The following RAVER1 variants were observed in gnomAD, a reference collection of about 807,000 sequenced individuals.
The protein encoded by RAVER1 is ribonucleoprotein PTB-binding 1.
Under a neutral mutation model 68.4 loss-of-function variants are expected in RAVER1, and 36 were observed. The observed-to-expected ratio is 0.53, with a 90% CI of 0.40 to 0.70. The LOEUF (loss-of-function observed/expected upper bound fraction) is 0.70, where lower values mean the gene tolerates loss of function less well. Ranked by LOEUF, RAVER1 falls within the 30% of genes least tolerant of loss-of-function variation. The probability of loss-of-function intolerance (pLI) is 0.00; values close to 1 mark genes in which losing one functional copy is unlikely to be tolerated. For synonymous variants in RAVER1, 469 were observed against 472.7 expected (o/e 0.99, Z 0.10); for missense variants, 933 against 1,019.8 (o/e 0.91, Z 1.16).
Position 10,323,080 on chromosome 19 carries a change from A to G in RAVER1, c.1078+65T>C. 7.4e-7 allele frequency: 1 copy of G among 1,352,952 alleles called. No homozygotes were observed. The highest frequency in any genetic ancestry group is 1.0e-6 in the Non-Finnish European group (1 of 1,004,668). The allele number at this position is 1,352,952 out of a possible 1,614,324, so 83.8% of individuals were successfully genotyped here. On this transcript the variant is annotated intron_variant, in intron 5 of 12. Coordinates refer to ENST00000617231, the MANE Select transcript of RAVER1 (RefSeq NM_133452.3). This position sits in a 1 kb window ranked among gnomAD's most constrained non-coding sequence, Gnocchi z 6.2. ...GCAGCCAAGATGAGCAGTTTCGGGA[A>G]GTGCCGGGGGCAGCGCTGCAGCCCC...
In RAVER1 at chr19:10,317,967, T is replaced by C. The variant is rs1388630291; in HGVS notation, c.1990-194A>G. 1.3e-5 allele frequency among the ~76,000 whole-genome samples: 2 copies of C among 152,238 alleles called. No homozygotes were observed. The highest frequency in any genetic ancestry group is 4.8e-5 in the African/African-American group (2 of 41,462). ...TTATTTGAGCCTCGGTTTTCTCATC[T>C]GTCAGATGGGGCCAGTAGCACCCAC... On this transcript the variant is annotated intron_variant, in intron 11 of 12. Coordinates refer to ENST00000617231, the MANE Select transcript of RAVER1 (RefSeq NM_133452.3). This position sits in a 1 kb window ranked among gnomAD's most constrained non-coding sequence, Gnocchi z 4.3.
chr19:10,319,151 C>T lies in RAVER1; in HGVS notation c.1845+15G>A, dbSNP rs1215867898. The stretch of plus-strand genomic sequence containing the variant: ...AAAGCTGATTGCTACACATGCCATA[C>T]CAGGTGGCTCTTACCTTGTGTCGGC... On this transcript the variant is annotated intron_variant, in intron 10 of 12. Transcript: ENST00000617231. The T allele has an allele frequency of 3.1e-6, 5 of 1,613,030 alleles. No individual in the cohort carries two copies. The highest frequency in any genetic ancestry group is 4.5e-5 in the East Asian group (2 of 44,880).
Position 10,321,245 on chromosome 19 carries a change from G to T in RAVER1, c.1276C>A (p.Pro426Thr). 7.8e-7 allele frequency: 1 copy of T among 1,277,816 alleles called. No individual in the cohort carries two copies. 79.2% of individuals were successfully genotyped at this position (1,277,816 alleles called of 1,614,324 possible). Residue 426 changes from proline (P) to threonine (T), a missense_variant, in exon 8 of 13, where the codon CCG becomes ACG. Around this residue, in one of 3 missense-constraint regions of RAVER1, gnomAD observed 699 missense variants for 731.1 expected, o/e 0.96. Coordinates refer to ENST00000617231, the MANE Select transcript of RAVER1 (RefSeq NM_133452.3). ...GELPAGGGLP[P>T]ELPPRRGKPP... is the part of the protein sequence containing the mutation. ...TTCCCTCGCCGGGGCGGCAGCTCCG[G>T]GGGCAGGCCCCCTCCTAGGGAGGGA... is the stretch of plus-strand genomic sequence containing the variant.
intron 9 of RAVER1, among the ~76,000 whole-genome samples, chr19:10,320,201 C>T (rs1367705720): frequency 3.3e-5 from 5 of 151,952 alleles, no homozygotes; most frequent in Admixed American, 3.3e-4. Context: ...TGCAGACAGA[C>T]GGGAAACTTT....
intron 2 of RAVER1, 63 bp downstream of exon 2, chr19:10,330,397 C>T (rs78630786): frequency 0.037 from 29,181 of 791,518 alleles, 635 homozygotes; most frequent in East Asian, 0.062. Context: ...GACAGTGAGC[C>T]AGGCCCTCCC....
rs932162869 is a variant in RAVER1 at position 10,317,373 on chromosome 19, T to TA, written c.*80dup. The TA allele has an allele frequency of 1.1e-4, 154 of 1,452,456 alleles. No homozygotes were observed. Among genetic ancestry groups the TA allele is most frequent in the Non-Finnish European group, 1.2e-4 (130 of 1,041,216 alleles). 90.0% of individuals were successfully genotyped at this position (1,452,456 alleles called of 1,614,324 possible). A position where few individuals can be genotyped will look rare whatever the true frequency, so the allele number is the denominator to read the frequency against. On this transcript the variant is annotated 3_prime_UTR_variant, in exon 13 of 13. Transcript: ENST00000617231. This position sits in a 1 kb window ranked among gnomAD's most constrained non-coding sequence, Gnocchi z 4.3. ...TATTACCGAAAGAGAGAAAATGGTT[T>TA]AAAAAAAACACAAAACAAAACATCA...
At position 10,323,454 on chromosome 19, in the gene RAVER1, C is replaced by G. The variant is rs1388107803; in HGVS notation, c.869G>C (p.Ser290Thr). The change falls in exon 4 of 13, where the codon AGC becomes ACC. Residue 290 changes from serine (S) to threonine (T), a missense_variant. By Grantham distance (58) the Ser-to-Thr change is moderately conservative (BLOSUM62 1). Around this residue, in one of 3 missense-constraint regions of RAVER1, gnomAD observed 699 missense variants for 731.1 expected, o/e 0.96. Transcript: ENST00000617231. This position sits in a 1 kb window ranked among gnomAD's most constrained non-coding sequence, Gnocchi z 6.2. ...GGCGCAGAAGGAGACTCGCAGGTGG[C>G]TGCCCCCCAGGGACAGGCCGTCCGC... ...QQADGLSLGG[S>T]HLRVSFCAPG... is the part of the protein sequence containing the mutation. 1 of 1,609,566 alleles carries G rather than the reference C, an allele frequency of 6.2e-7. No homozygotes were observed. The highest frequency in any genetic ancestry group is 8.5e-7 in the Non-Finnish European group (1 of 1,179,386).
At position 10,317,207 on chromosome 19, in the gene RAVER1, C is replaced by G; in HGVS notation, c.*247G>C. 5.6e-6 allele frequency: 3 copies of G among 535,988 alleles called. No homozygotes were observed. Among genetic ancestry groups the G allele is most frequent in the Non-Finnish European group, 6.6e-6 (2 of 302,596 alleles). The allele number at this position is 535,988 out of a possible 1,614,324, so 33.2% of individuals were successfully genotyped here. On this transcript the variant is annotated 3_prime_UTR_variant, in exon 13 of 13. Transcript: ENST00000617231. The surrounding 1 kb of genome is among the most constrained non-coding windows in gnomAD (Gnocchi z 4.3). The stretch of plus-strand genomic sequence containing the variant: ...ATGGGGGGAGGGAGGGAGAGCAGGC[C>G]GGGGCCCCTCTCTCTTAAGGCTGCA...
chr19:10,320,706 G>A lies in RAVER1; in HGVS notation c.1719C>T (p.Arg573=). The change falls in exon 9 of 13, where the codon CGC becomes CGT. Residue 573 remains arginine (R), a synonymous_variant. Coordinates refer to ENST00000617231, the MANE Select transcript of RAVER1 (RefSeq NM_133452.3). ...CAGACAGTCCTGGTTCGGGGGGCAG[G>A]CGGGCGCTGCTGAGGGGGCTGAGCA... The part of the protein sequence containing the change: ...SRLLSPLSSA[R]LPPEPGLSDS... 1 of 1,545,826 alleles carries A rather than the reference G, an allele frequency of 6.5e-7. No individual in the cohort carries two copies. The highest frequency in any genetic ancestry group is 8.7e-7 in the Non-Finnish European group (1 of 1,153,322).
Position 10,323,105 on chromosome 19 carries a change from C to G in RAVER1, c.1078+40G>C, listed in dbSNP as rs1221030880. On this transcript the variant is annotated intron_variant, in intron 5 of 12. Transcript: ENST00000617231. The surrounding 1 kb of genome is among the most constrained non-coding windows in gnomAD (Gnocchi z 6.2). ...AGTGCCGGGGGCAGCGCTGCAGCCCCTGTTCTGCACAGTGGGGCCCCTGTC... is the reference window on the plus strand; with the variant it reads ...AGTGCCGGGGGCAGCGCTGCAGCCCGTGTTCTGCACAGTGGGGCCCCTGTC... The G allele has an allele frequency of 1.3e-6, 2 of 1,493,928 alleles. No homozygotes were observed. The highest frequency in any genetic ancestry group is 1.3e-5 in the South Asian group (1 of 79,074). The allele number at this position is 1,493,928 out of a possible 1,614,324, so 92.5% of individuals were successfully genotyped here.
At chr19:10,324,398 T>G (rs765030472) in intron 3 of RAVER1, among the ~76,000 whole-genome samples, 6 of 152,114 alleles carry the variant, frequency 3.9e-5, no homozygotes, top group Non-Finnish European at 7.4e-5. Flanking sequence ...GTTTTGTTTT[T>G]TTTGAGACAG....
intron 1 of RAVER1, among the ~76,000 whole-genome samples, chr19:10,331,754 G>A (rs1347691925): frequency 6.7e-6 from 1 of 148,918 alleles, no homozygotes; most frequent in East Asian, 2.0e-4. Flanking sequence ...ACCTCCTTTT[G>A]CAAGATTCAC....
At position 10,321,089 on chromosome 19, in the gene RAVER1, C is replaced by A; in HGVS notation, c.1432G>T (p.Gly478Cys). Residue 478 changes from glycine (G) to cysteine (C), a missense_variant, in exon 8 of 13, where the codon GGC becomes TGC. By Grantham distance (159) the Gly-to-Cys change is radical (BLOSUM62 -3). Coordinates refer to ENST00000617231, the MANE Select transcript of RAVER1 (RefSeq NM_133452.3). ...PVGLRGSGLRGLQKDSGPLPT... is the reference protein window; with the variant it reads ...PVGLRGSGLRCLQKDSGPLPT... ...AGAGGCCCACTGTCTTTCTGGAGGC[C>A]TCTGAGGCCAGAGCCTCGGAGCCCC... 1 of 1,342,210 alleles carries A rather than the reference C, an allele frequency of 7.5e-7. No individual in the cohort carries two copies. The highest frequency in any genetic ancestry group is 9.5e-7 in the Non-Finnish European group (1 of 1,048,356). 83.1% of individuals were successfully genotyped at this position (1,342,210 alleles called of 1,614,324 possible).
chr19:10,317,178 G>T lies in RAVER1; in HGVS notation c.*276C>A. 2.0e-6 allele frequency: 1 copy of T among 496,362 alleles called. No individual in the cohort carries two copies. Among genetic ancestry groups the T allele is most frequent in the South Asian group, 2.2e-5 (1 of 46,178 alleles). The allele number at this position is 496,362 out of a possible 1,614,324, so 30.7% of individuals were successfully genotyped here. A position where few individuals can be genotyped will look rare whatever the true frequency, so the allele number is the denominator to read the frequency against. Reference sequence around the variant, plus strand: ...CCGGAGAGACGGGCACAGCGGAGGAGGAGATGGGGGGAGGGAGGGAGAGCA... The same window carrying T: ...CCGGAGAGACGGGCACAGCGGAGGATGAGATGGGGGGAGGGAGGGAGAGCA... On this transcript the variant is annotated 3_prime_UTR_variant, in exon 13 of 13. Transcript: ENST00000617231. The surrounding 1 kb of genome is among the most constrained non-coding windows in gnomAD (Gnocchi z 4.3).
chr19:10,321,165 G>A lies in RAVER1; in HGVS notation c.1356C>T (p.Ala452=), dbSNP rs1056190962. The part of the protein sequence containing the change: ...VLGPAGGDRE[A]LGLGPPAAQL... ...GGGCCGCTGGGGGACCCAAGCCCAG[G>A]GCCTCCCGGTCACCCCCAGCAGGGC... The change falls in exon 8 of 13, where the codon GCC becomes GCT. Residue 452 remains alanine, a synonymous_variant. Transcript: ENST00000617231. The A allele has an allele frequency of 1.6e-6, 2 of 1,285,796 alleles. No homozygotes were observed. The highest frequency in any genetic ancestry group is 2.0e-6 in the Non-Finnish European group (2 of 1,014,178). 79.6% of individuals were successfully genotyped at this position (1,285,796 alleles called of 1,614,324 possible).
intron 1 of RAVER1, among the ~76,000 whole-genome samples, chr19:10,331,595 A>C (rs1185293681): frequency 6.7e-6 from 1 of 148,936 alleles, no homozygotes; most frequent in Non-Finnish European, 1.5e-5. Context: ...CTGAGGCAAG[A>C]CAATTGCTTG....
At chr19:10,330,548 G>A in intron 1 of RAVER1, 22 bp from the exon 2 acceptor site, 8 of 1,255,904 alleles carry the variant, frequency 6.4e-6, no homozygotes, top group Non-Finnish European at 9.1e-6. Context: ...CAAGACAAAA[G>A]ACAGGGAGTT....
intron 1 of RAVER1, among the ~76,000 whole-genome samples, chr19:10,331,336 G>A (rs776278890): frequency 8.8e-5 from 11 of 125,494 alleles, no homozygotes; most frequent in East Asian, 5.0e-4. Flanking sequence ...CAGCCTGGGC[G>A]ACAGAGCGAG....
chr19:10,326,685 C>T (rs1362663509), intron 3 of RAVER1, among the ~76,000 whole-genome samples: 1 of 151,676 alleles, frequency 6.6e-6, no homozygotes, highest in Non-Finnish European at 1.5e-5. Flanking sequence ...AAACTCCTGA[C>T]CTCAGGTGAT....
Sources: allele counts gnomAD v4.1 joint callset (sites outside exome capture counted in the v4.1 genomes callset), GRCh38; gene constraint gnomAD v4.1.1; regional missense constraint gnomAD v4.1.1; non-coding constraint Gnocchi (gnomAD v3.1); transcripts MANE v1.5; gene names NCBI Gene and HGNC (gene_info 2026-07-23, HGNC 2026-07-21).